MECOM: variants seen among roughly 807,000 people sequenced by gnomAD.
MECOM encodes the protein histone-lysine N-methyltransferase MECOM.
A neutral mutation model predicts 116.3 loss-of-function variants in MECOM; 13 were observed. That is an observed-to-expected ratio of 0.11 (90% confidence interval 0.07 to 0.18). MECOM has a LOEUF of 0.18. Among genes scored for constraint, MECOM ranks in the 10% least tolerant of loss-of-function variants. The pLI is 1.00. For synonymous variants in MECOM, 528 were observed against 535.2 expected, an observed-to-expected ratio of 0.99 and a Z score of 0.19; for missense variants, 1,299 against 1,509.0, an observed-to-expected ratio of 0.86 and a Z score of 2.31.
At chr3:169,296,669 G>A (rs1715666384) in intron 2 of MECOM, among the ~76,000 whole-genome samples, 1 of 152,070 alleles carries the variant, frequency 6.6e-6, no homozygotes, top group African/African-American at 2.4e-5. Flanking sequence ...AAGAAGTAAT[G>A]GAATTATAGT....
chr3:169,618,138 G>C (rs575208020), intron 1 of MECOM, among the ~76,000 whole-genome samples: 1 of 152,008 alleles, frequency 6.6e-6, no homozygotes, highest in South Asian at 2.1e-4. Flanking sequence ...CCCAATATGG[G>C]GCCATGGCAT....
intron 1 of MECOM, among the ~76,000 whole-genome samples, chr3:169,653,014 T>TCTAGTACA (rs1775102497): frequency 6.6e-6 from 1 of 152,090 alleles, no homozygotes; most frequent in South Asian, 2.1e-4. Flanking sequence ...TAACAATTTG[T>TCTAGTACA]GATTTAAGTG....
At chr3:169,621,709 T>C (rs528977111) in intron 1 of MECOM, among the ~76,000 whole-genome samples, 2 of 152,156 alleles carry the variant, frequency 1.3e-5, no homozygotes, top group Non-Finnish European at 2.9e-5. Context: ...GTGAGCTGAG[T>C]TCGTGCCACT....
intron 2 of MECOM, among the ~76,000 whole-genome samples, chr3:169,311,536 A>G (rs1718761718): frequency 6.6e-6 from 1 of 152,212 alleles, no homozygotes; most frequent in South Asian, 2.1e-4. Flanking sequence ...GGCACTAGAA[A>G]CAATACCATG....
At chr3:169,111,400 A>G (rs911283970) in intron 9 of MECOM, among the ~76,000 whole-genome samples, 1 of 152,182 alleles carries the variant, frequency 6.6e-6, no homozygotes, top group African/African-American at 2.4e-5. Flanking sequence ...ATTTATTTAT[A>G]ATTATAAAGG....
intron 1 of MECOM, among the ~76,000 whole-genome samples, chr3:169,570,663 T>C (rs143153957): frequency 0.011 from 1,713 of 152,318 alleles, 26 homozygotes; most frequent in African/African-American, 0.039. Flanking sequence ...GCTTCTTCCC[T>C]GGGATGCAAG....
intron 2 of MECOM, among the ~76,000 whole-genome samples, chr3:169,378,093 GT>G (rs1307737682): frequency 6.6e-6 from 1 of 151,540 alleles, no homozygotes; most frequent in Admixed American, 6.6e-5. Context: ...AACAGCGCAT[GT>G]TCTCATTCAT....
chr3:169,577,105 G>C (rs545386163), intron 1 of MECOM, among the ~76,000 whole-genome samples: 5 of 152,144 alleles, frequency 3.3e-5, no homozygotes, highest in South Asian at 2.1e-4. Context: ...ATAAGCAAGT[G>C]AATTGACATC....
intron 2 of MECOM, among the ~76,000 whole-genome samples, chr3:169,378,438 AAAGAAAGAAAGAAG>A (rs1560196430): frequency 1.2e-4 from 10 of 83,710 alleles, no homozygotes; most frequent in African/African-American, 7.1e-4. Context: ...AGAAAGAAAG[AAAGAAAGAAAGAAG>A]GAAAGCAAGC....
At chr3:169,501,846 A>T (rs1424460388) in intron 1 of MECOM, among the ~76,000 whole-genome samples, 2 of 152,026 alleles carry the variant, frequency 1.3e-5, no homozygotes, top group Non-Finnish European at 2.9e-5. Flanking sequence ...TTTAATTTAT[A>T]ATTATGTTTA....
chr3:169,636,720 C>T (rs767725408), intron 1 of MECOM, among the ~76,000 whole-genome samples: 6 of 152,174 alleles, frequency 3.9e-5, no homozygotes, highest in Non-Finnish European at 8.8e-5. Context: ...GTTCAGTTTC[C>T]TGATATTTTA....
At chr3:169,603,110 G>T in intron 1 of MECOM, among the ~76,000 whole-genome samples, 1 of 152,074 alleles carries the variant, frequency 6.6e-6, no homozygotes, top group East Asian at 1.9e-4. Flanking sequence ...ATGAGGTTTT[G>T]GTCAACAATG....
intron 2 of MECOM, among the ~76,000 whole-genome samples, chr3:169,293,254 G>A (rs899783349): frequency 6.6e-5 from 10 of 152,020 alleles, no homozygotes; most frequent in Admixed American, 1.3e-4. Flanking sequence ...ATGGTTTCAC[G>A]CTCACCCCAC....
chr3:169,574,836 A>G (rs1432701601), intron 1 of MECOM, among the ~76,000 whole-genome samples: 2 of 152,166 alleles, frequency 1.3e-5, no homozygotes, highest in Non-Finnish European at 2.9e-5. Context: ...TAAAAAAAAA[A>G]AAAACTTTTC....
At chr3:169,092,607 T>C (rs1054718554) in intron 14 of MECOM, among the ~76,000 whole-genome samples, 11 of 152,200 alleles carry the variant, frequency 7.2e-5, no homozygotes, top group African/African-American at 2.6e-4. Flanking sequence ...TCTATTCAGC[T>C]ATCAGATAGC....
intron 7 of MECOM, among the ~76,000 whole-genome samples, chr3:169,117,640 A>G (rs1235898625): frequency 6.6e-6 from 1 of 152,238 alleles, no homozygotes; most frequent in Non-Finnish European, 1.5e-5. Flanking sequence ...AGGGGAGAGC[A>G]CTGTGAAAGC....
At chr3:169,554,336 G>A (rs1391264530) in intron 1 of MECOM, among the ~76,000 whole-genome samples, 1 of 152,198 alleles carries the variant, frequency 6.6e-6, no homozygotes, top group Admixed American at 6.5e-5. Context: ...TATTACAGCA[G>A]TTCGCCTACA....
At chr3:169,265,142 GTAAA>G (rs1262294320) in intron 2 of MECOM, among the ~76,000 whole-genome samples, 1 of 152,110 alleles carries the variant, frequency 6.6e-6, no homozygotes, top group Non-Finnish European at 1.5e-5. Flanking sequence ...ATGATATATG[GTAAA>G]TAATGGCATT....
intron 1 of MECOM, among the ~76,000 whole-genome samples, chr3:169,437,912 A>G (rs1383481429): frequency 6.6e-6 from 1 of 152,202 alleles, no homozygotes; most frequent in African/African-American, 2.4e-5. Context: ...TCATCCTCCT[A>G]AAATGTATCA....
Sources: gnomAD v4.1 joint callset for allele counts (sites outside exome capture counted in the v4.1 genomes callset) on GRCh38, gnomAD v4.1.1 for gene constraint, MANE v1.5 for transcripts, NCBI Gene and HGNC (gene_info 2026-07-23, HGNC 2026-07-21) for gene names.